The following ATXN1 variants were observed in gnomAD, a reference collection of about 807,000 sequenced individuals.
ATXN1 encodes ataxin 1.
Under a neutral mutation model 56.4 loss-of-function variants are expected in ATXN1, and 8 were observed. That is an observed-to-expected ratio of 0.14 (90% CI 0.08 to 0.26). The LOEUF (loss-of-function observed/expected upper bound fraction) is 0.26. Ranked by LOEUF, ATXN1 falls within the 10% of genes least tolerant of loss-of-function variation. ATXN1 has a pLI of 1.00. For synonymous variants in ATXN1, 514 were observed against 494.6 expected, an observed-to-expected ratio of 1.04 and a Z score of -0.52; for missense variants, 987 against 1,106.5, an observed-to-expected ratio of 0.89 and a Z score of 1.53.
intron 6 of ATXN1, among the ~76,000 whole-genome samples, chr6:16,352,173 G>A (rs1441092140): frequency 2.0e-5 from 3 of 152,172 alleles, no homozygotes; most frequent in Non-Finnish European, 4.4e-5. Flanking sequence ...TTAACCCAAG[G>A]GATGGTGGGT....
intron 3 of ATXN1, among the ~76,000 whole-genome samples, chr6:16,605,176 A>G (rs1361738258): frequency 1.3e-5 from 2 of 152,228 alleles, no homozygotes; most frequent in Admixed American, 1.3e-4. Flanking sequence ...TGGATCATGA[A>G]CTACGTATCC....
rs749499641 is a variant in ATXN1 at position 16,328,087 on chromosome 6, A to G, written c.224T>C (p.Ile75Thr). 1.7e-5 allele frequency: 28 copies of G among 1,607,092 alleles called. No individual in the cohort carries two copies. Among genetic ancestry groups the G allele is most frequent in the African/African-American group, 2.7e-5 (2 of 74,604 alleles). ...TGTGGACAATGCTTTGTGTAAACCTATTCCCTGTTGTAAACCAAGCTCCAC... is the reference window on the plus strand; with the variant it reads ...TGTGGACAATGCTTTGTGTAAACCTGTTCCCTGTTGTAAACCAAGCTCCAC... ...TSVELGLQQG[I>T]GLHKALSTGL... Residue 75 changes from isoleucine to threonine, a missense_variant, in exon 7 of 8, where the codon ATA (isoleucine) becomes ACA (threonine). Transcript: ENST00000436367. This position sits in a 1 kb window ranked among gnomAD's most constrained non-coding sequence, Gnocchi z 6.2.
chr6:16,754,477 C>T (rs1383022507), intron 1 of ATXN1, among the ~76,000 whole-genome samples: 1 of 152,086 alleles, frequency 6.6e-6, no homozygotes, highest in Non-Finnish European at 1.5e-5. Flanking sequence ...GGTAAGTGAG[C>T]CAATTATCCT....
intron 2 of ATXN1, among the ~76,000 whole-genome samples, chr6:16,750,489 G>A (rs900259804): frequency 2.0e-5 from 3 of 152,160 alleles, no homozygotes; most frequent in Non-Finnish European, 4.4e-5. Context: ...TTCTGCCTAC[G>A]TTGAGCCGTC....
chr6:16,648,997 TTAAA>T (rs1168386682), intron 3 of ATXN1, among the ~76,000 whole-genome samples: 7 of 151,804 alleles, frequency 4.6e-5, no homozygotes, highest in East Asian at 1.9e-4. Flanking sequence ...ATATATAGTA[TTAAA>T]TAATCTTCCC....
intron 4 of ATXN1, among the ~76,000 whole-genome samples, chr6:16,553,590 T>C (rs967800136): frequency 1.3e-5 from 2 of 152,226 alleles, no homozygotes; most frequent in Non-Finnish European, 2.9e-5. Flanking sequence ...AGCACTCTGC[T>C]TGGTACATGG....
At chr6:16,692,185 G>A (rs1314150244) in intron 2 of ATXN1, among the ~76,000 whole-genome samples, 4 of 152,206 alleles carry the variant, frequency 2.6e-5, no homozygotes, top group Non-Finnish European at 5.9e-5. Flanking sequence ...GAACCTGGGA[G>A]GCGGAGGTTG....
rs1339455284 is a variant in ATXN1, at chr6:16,305,549, C to T, written c.*780G>A. 2 of 152,328 alleles carry T rather than the reference C, an allele frequency of 1.3e-5. No individual in the cohort carries two copies. Among genetic ancestry groups the T allele is most frequent in the Non-Finnish European group, 2.9e-5 (2 of 68,002 alleles). The allele number at this position is 152,328 out of a possible 1,614,324, so 9.4% of individuals were successfully genotyped here. A position where few individuals can be genotyped will look rare whatever the true frequency, so the allele number is the denominator to read the frequency against. On this transcript the variant is annotated 3_prime_UTR_variant, in exon 8 of 8. Coordinates refer to ENST00000436367, the MANE Select transcript of ATXN1 (RefSeq NM_001128164.2). Reference sequence around the variant, plus strand: ...TGTGGGGCCATGACAGCAGGGGCTTCCCTGTCCACCACAACACCCTGGTGA... The same window carrying T: ...TGTGGGGCCATGACAGCAGGGGCTTTCCTGTCCACCACAACACCCTGGTGA...
chr6:16,617,566 C>T (rs568526494), intron 3 of ATXN1, among the ~76,000 whole-genome samples: 1 of 151,566 alleles, frequency 6.6e-6, no homozygotes, highest in African/African-American at 2.4e-5. Context: ...AGATCGAGAC[C>T]ATCCTGGCTA....
intron 6 of ATXN1, among the ~76,000 whole-genome samples, chr6:16,475,503 A>T (rs1263750949): frequency 6.6e-6 from 1 of 152,130 alleles, no homozygotes; most frequent in Non-Finnish European, 1.5e-5. Flanking sequence ...ATCGCATTTA[A>T]CTCTCTTAAC....
intron 6 of ATXN1, among the ~76,000 whole-genome samples, chr6:16,463,119 C>A (rs1241234124): frequency 6.6e-6 from 1 of 152,168 alleles, no homozygotes. Context: ...CCCAACACCC[C>A]TTTCCAGCCA....
At chr6:16,673,008 G>A (rs1378118155) in intron 2 of ATXN1, among the ~76,000 whole-genome samples, 5 of 103,174 alleles carry the variant, frequency 4.8e-5, no homozygotes, top group African/African-American at 1.2e-4. Context: ...ATGAGACTCC[G>A]TTCCCCCCCG....
intron 6 of ATXN1, among the ~76,000 whole-genome samples, chr6:16,414,101 T>A (rs75676584): frequency 6.6e-6 from 1 of 152,232 alleles, no homozygotes; most frequent in African/African-American, 2.4e-5. Context: ...GCAGTGATTA[T>A]ATACTTAGAG....
chr6:16,605,872 A>C (rs1762995358), intron 3 of ATXN1, among the ~76,000 whole-genome samples: 1 of 152,192 alleles, frequency 6.6e-6, no homozygotes, highest in African/African-American at 2.4e-5. Flanking sequence ...TCATGCCTAT[A>C]ATCCCAGCAC....
chr6:16,359,318 C>T (rs762951436), intron 6 of ATXN1, among the ~76,000 whole-genome samples: 6 of 152,152 alleles, frequency 3.9e-5, no homozygotes, highest in Non-Finnish European at 8.8e-5. Context: ...CCCATGGCCA[C>T]CCATGGACCA....
At chr6:16,552,402 A>C (rs1761937217) in intron 4 of ATXN1, among the ~76,000 whole-genome samples, 1 of 152,214 alleles carries the variant, frequency 6.6e-6, no homozygotes, top group African/African-American at 2.4e-5. Context: ...TTTCTATTAA[A>C]ATGTCCTTCT....
intron 2 of ATXN1, among the ~76,000 whole-genome samples, chr6:16,718,108 C>A (rs1318111837): frequency 6.6e-6 from 1 of 152,184 alleles, no homozygotes; most frequent in Non-Finnish European, 1.5e-5. Context: ...GTGCAATGAA[C>A]AGTTTATGTG....
intron 4 of ATXN1, among the ~76,000 whole-genome samples, chr6:16,536,026 A>C (rs1581828605): frequency 6.6e-6 from 1 of 151,816 alleles, no homozygotes; most frequent in Non-Finnish European, 1.5e-5. Context: ...GCCTGGCAAA[A>C]CCCTGACTCT....
intron 2 of ATXN1, among the ~76,000 whole-genome samples, chr6:16,712,981 T>C (rs772890538): frequency 6.6e-5 from 10 of 152,212 alleles, no homozygotes; most frequent in Non-Finnish European, 1.5e-5. Context: ...AGAGATAACA[T>C]TTCTCCTTTT....
Sources: allele counts gnomAD v4.1 joint callset (sites outside exome capture counted in the v4.1 genomes callset), GRCh38; gene constraint gnomAD v4.1.1; non-coding constraint Gnocchi (gnomAD v3.1); transcripts MANE v1.5; gene names NCBI Gene and HGNC (gene_info 2026-07-23, HGNC 2026-07-21).